The following KIAA1217 variants were observed in gnomAD, a reference collection of about 807,000 sequenced individuals.
KIAA1217 encodes KIAA1217, also known as sickle tail protein homolog.
KIAA1217 carries 88 observed loss-of-function variants against 163.9 expected under a neutral mutation model. The ratio of observed to expected loss-of-function variants is 0.54; its 90% CI spans 0.45 to 0.64. KIAA1217 has a LOEUF of 0.64. Among genes scored for constraint, KIAA1217 ranks in the 30% least tolerant of loss-of-function variants. The pLI is 0.00. For missense variants in KIAA1217, 2,372 were observed against 2,475.0 expected (o/e 0.96, Z 0.88); for synonymous variants, 903 against 923.1 (o/e 0.98, Z 0.39).
At chr10:23,729,092 G>A (rs1838329926) in intron 1 of KIAA1217, among the ~76,000 whole-genome samples, 1 of 152,116 alleles carries the variant, frequency 6.6e-6, no homozygotes, top group South Asian at 2.1e-4. Context: ...CTCACATGCA[G>A]TTAAGGTTTC....
chr10:23,722,215 A>G (rs6482321), intron 1 of KIAA1217, among the ~76,000 whole-genome samples: 1 of 151,952 alleles, frequency 6.6e-6, no homozygotes, highest in African/African-American at 2.4e-5. Flanking sequence ...TTGTTTAATG[A>G]GATTAATGTG....
At chr10:24,012,128 C>T (rs1420828853) in intron 2 of KIAA1217, among the ~76,000 whole-genome samples, 1 of 152,100 alleles carries the variant, frequency 6.6e-6, no homozygotes, top group East Asian at 1.9e-4. Context: ...TATCTGTAGA[C>T]AGGTGGTGCT....
At chr10:23,945,410 A>G (rs76046898) in intron 1 of KIAA1217, among the ~76,000 whole-genome samples, 1 of 152,202 alleles carries the variant, frequency 6.6e-6, no homozygotes, top group Non-Finnish European at 1.5e-5. Context: ...AAGTTCAAAA[A>G]GAGAGAAAAC....
At chr10:23,920,760 C>T (rs1842820956) in intron 1 of KIAA1217, among the ~76,000 whole-genome samples, 2 of 152,158 alleles carry the variant, frequency 1.3e-5, no homozygotes, top group Non-Finnish European at 2.9e-5. Flanking sequence ...AACCTGGTTT[C>T]AGCTGATATG....
intron 2 of KIAA1217, among the ~76,000 whole-genome samples, chr10:24,172,251 A>G (rs1389118153): frequency 6.6e-6 from 1 of 152,224 alleles, no homozygotes; most frequent in East Asian, 1.9e-4. Context: ...GAAGAGATTT[A>G]CAGGAAACGC....
chr10:23,918,450 C>T (rs1002267908), intron 1 of KIAA1217, among the ~76,000 whole-genome samples: 6 of 152,100 alleles, frequency 3.9e-5, no homozygotes, highest in South Asian at 4.1e-4. Flanking sequence ...CCTGCCCTTT[C>T]GGGAAGCTGT....
At chr10:23,854,554 A>C (rs942440482) in intron 1 of KIAA1217, among the ~76,000 whole-genome samples, 1 of 152,102 alleles carries the variant, frequency 6.6e-6, no homozygotes, top group Non-Finnish European at 1.5e-5. Context: ...GCTGAGTTCA[A>C]TTCCTGGGTA....
At chr10:24,130,366 A>C (rs994987455) in intron 2 of KIAA1217, among the ~76,000 whole-genome samples, 10 of 152,218 alleles carry the variant, frequency 6.6e-5, no homozygotes, top group Non-Finnish European at 5.9e-5. Flanking sequence ...TGCATTGGGC[A>C]TGCCATGTTT....
chr10:23,811,040 A>T (rs1476756144), intron 1 of KIAA1217, among the ~76,000 whole-genome samples: 8 of 127,958 alleles, frequency 6.3e-5, no homozygotes, highest in African/African-American at 2.4e-4. Context: ...ATATGTATAC[A>T]ATATATAATA....
intron 6 of KIAA1217, among the ~76,000 whole-genome samples, chr10:24,486,728 G>A (rs1029972668): frequency 6.6e-6 from 1 of 152,174 alleles, no homozygotes; most frequent in African/African-American, 2.4e-5. Flanking sequence ...GACTTTCTCA[G>A]TGAAGCCCTG....
At chr10:24,201,739 G>A (rs1345104448) in intron 2 of KIAA1217, among the ~76,000 whole-genome samples, 1 of 152,162 alleles carries the variant, frequency 6.6e-6, no homozygotes, top group Non-Finnish European at 1.5e-5. Context: ...GAGGTGGGGA[G>A]AGAAAAATAA....
chr10:23,906,598 C>G (rs537343170), intron 1 of KIAA1217, among the ~76,000 whole-genome samples: 1 of 152,200 alleles, frequency 6.6e-6, no homozygotes, highest in South Asian at 2.1e-4. Flanking sequence ...GAAAATAGTT[C>G]TGGATAAACT....
At chr10:24,164,121 C>G (rs942948245) in intron 2 of KIAA1217, among the ~76,000 whole-genome samples, 3 of 152,194 alleles carry the variant, frequency 2.0e-5, no homozygotes, top group Non-Finnish European at 4.4e-5. Flanking sequence ...ATCTCCTGTA[C>G]TAGCCTAGAG....
intron 2 of KIAA1217, among the ~76,000 whole-genome samples, chr10:24,029,690 C>A (rs1848113319): frequency 6.6e-6 from 1 of 152,130 alleles, no homozygotes; most frequent in African/African-American, 2.4e-5. Flanking sequence ...GGCCAGAGAG[C>A]CAAGGAGCCA....
intron 1 of KIAA1217, among the ~76,000 whole-genome samples, chr10:23,741,496 G>C (rs1407580382): frequency 6.6e-6 from 1 of 152,164 alleles, no homozygotes; most frequent in Non-Finnish European, 1.5e-5. Context: ...GAAATAAAGA[G>C]ACTACAAGTA....
chr10:24,390,866 GA>G (rs2054830475), intron 3 of KIAA1217, among the ~76,000 whole-genome samples: 1 of 152,144 alleles, frequency 6.6e-6, no homozygotes, highest in South Asian at 2.1e-4. Flanking sequence ...GAGGCTTGCT[GA>G]AAAAAGGCAG....
At position 24,078,800 on chromosome 10, in the gene KIAA1217, CTG is replaced by C. The variant is rs201771915; in HGVS notation, c.-171+71427_-171+71428del. On this transcript the variant is annotated intron_variant, in intron 2 of 18. Coordinates refer to the KIAA1217 transcript ENST00000376462. ...AGAGAGAGAGAGACAAATGAAAAGG[CTG>C]AATCCAGGCCTTCTGTGGCCCGTCT... 4.8e-4 allele frequency among the ~76,000 whole-genome samples: 73 copies of C among 152,204 alleles called. 1 individual carries two copies. The East Asian group carries it at 0.013, about 26-fold the overall frequency.
intron 5 of KIAA1217, among the ~76,000 whole-genome samples, chr10:24,448,360 T>C (rs889453341): frequency 6.6e-6 from 1 of 152,122 alleles, no homozygotes; most frequent in East Asian, 1.9e-4. Flanking sequence ...TATAATTCAC[T>C]AGGAGAAATC....
rs79009807 is a variant in KIAA1217, at chr10:24,345,589, A to G, written c.355-35280A>G. ...CCCTTTGGAGAGAGTTGTTAAGATAAGACTTAACTGTGACTAAATATACAG... is the reference window on the plus strand; with the variant it reads ...CCCTTTGGAGAGAGTTGTTAAGATAGGACTTAACTGTGACTAAATATACAG... On this transcript the variant is annotated intron_variant, in intron 2 of 20. Transcript: ENST00000376454. 7.0e-3 allele frequency among the ~76,000 whole-genome samples: 1,068 copies of G among 152,324 alleles called. 60 individuals carry two copies. The East Asian group carries it at 0.13, about 18-fold the overall frequency.
Sources: gnomAD v4.1 joint callset for allele counts (sites outside exome capture counted in the v4.1 genomes callset) on GRCh38, gnomAD v4.1.1 for gene constraint, MANE v1.5 for transcripts, NCBI Gene and HGNC (gene_info 2026-07-23, HGNC 2026-07-21) for gene names.